CDK5RAP2: variants seen among roughly 807,000 people sequenced by gnomAD.
CDK5RAP2 encodes CDK5 regulatory subunit associated protein 2, also known as CDK5 regulatory subunit-associated protein 2.
In CDK5RAP2, 147 loss-of-function variants were observed where a neutral mutation model predicts 232.9. The ratio of observed to expected loss-of-function variants is 0.63; its 90% CI spans 0.55 to 0.72. The LOEUF (loss-of-function observed/expected upper bound fraction) is 0.72, where lower values mean the gene tolerates loss of function less well. Among genes scored for constraint, CDK5RAP2 ranks in the 30% least tolerant of loss-of-function variants. CDK5RAP2 has a pLI of 0.00. For missense variants in CDK5RAP2, 2,195 were observed against 2,231.5 expected, an observed-to-expected ratio of 0.98 and a Z score of 0.33; for synonymous variants, 833 against 833.7, an observed-to-expected ratio of 1.00 and a Z score of 0.01.
intron 3 of CDK5RAP2, among the ~76,000 whole-genome samples, chr9:120,563,912 A>G (rs574927586): frequency 2.0e-5 from 3 of 152,248 alleles, no homozygotes; most frequent in Admixed American, 6.5e-5. Flanking sequence ...CAACAGGAAT[A>G]AGGGCCTCAA....
chr9:120,482,460 G>C (rs1447114154), intron 14 of CDK5RAP2, among the ~76,000 whole-genome samples: 2 of 152,040 alleles, frequency 1.3e-5, no homozygotes, highest in Non-Finnish European at 2.9e-5. Flanking sequence ...CCCTCCATCA[G>C]AGTCCCAGGG....
In CDK5RAP2 at chr9:120,550,857, T is replaced by C. The variant is rs780538746; in HGVS notation, c.241A>G (p.Ile81Val). ...TGCATTCTTTCCTCAAGGAAATAGA[T>C]GCGGAGCTTTAGGTTAAAGTTTTCT... is the stretch of plus-strand genomic sequence containing the variant. ...KKENFNLKLR[I>V]YFLEERMQQE... The change falls in exon 4 of 38, where the codon ATC becomes GTC. Residue 81 changes from isoleucine (I) to valine (V), a missense_variant. Coordinates refer to ENST00000349780, the MANE Select transcript of CDK5RAP2 (RefSeq NM_018249.6). The C allele has an allele frequency of 4.3e-6, 7 of 1,613,496 alleles. No homozygotes were observed. The highest frequency in any genetic ancestry group is 5.1e-6 in the Non-Finnish European group (6 of 1,179,436).
rs2032287407 is a variant in CDK5RAP2, at chr9:120,394,511, C to T, written c.5578+1G>A. On this transcript the variant is annotated splice_donor_variant, in intron 36 of 37. Transcript: ENST00000349780. LOFTEE classifies it high-confidence loss of function. ...TAGCGGCCACCCCCACACTCACTCACATTGATCAAAGATGACTTTTTCCTG... is the reference window on the plus strand; with the variant it reads ...TAGCGGCCACCCCCACACTCACTCATATTGATCAAAGATGACTTTTTCCTG... The T allele has an allele frequency of 1.2e-6, 2 of 1,614,168 alleles. No individual in the cohort carries two copies. The highest frequency in any genetic ancestry group is 1.7e-6 in the Non-Finnish European group (2 of 1,180,038).
intron 11 of CDK5RAP2, among the ~76,000 whole-genome samples, chr9:120,519,486 G>A (rs1383290648): frequency 6.6e-6 from 1 of 151,386 alleles, no homozygotes; most frequent in African/African-American, 2.4e-5. Context: ...GGTATATGAA[G>A]ACAGATTACT....
In CDK5RAP2 at chr9:120,408,315, C is replaced by G. The variant is rs775025723; in HGVS notation, c.4726+32G>C. ...TCGGGTGGTCTTACAGCCCAAAGCA[C>G]AGTAGCCTCAAGGTGAGAAGGGCCT... is the stretch of plus-strand genomic sequence containing the variant. On this transcript the variant is annotated intron_variant, in intron 31 of 37. Transcript: ENST00000349780. The G allele has an allele frequency of 2.5e-6, 4 of 1,613,108 alleles. No homozygotes were observed. In the South Asian group the frequency reaches 3.3e-5, roughly 13 times the overall value.
intron 36 of CDK5RAP2, among the ~76,000 whole-genome samples, chr9:120,392,020 A>G (rs760689072): frequency 3.9e-5 from 6 of 152,198 alleles, no homozygotes; most frequent in Non-Finnish European, 8.8e-5. Flanking sequence ...GAGATGGACA[A>G]TACCAGCTCA....
intron 10 of CDK5RAP2, among the ~76,000 whole-genome samples, chr9:120,527,519 G>GATAT (rs112373921): frequency 2.6e-4 from 39 of 150,860 alleles, no homozygotes; most frequent in East Asian, 5.8e-4. Flanking sequence ...TTTGGGGGGG[G>GATAT]ATATATATAT....
At chr9:120,483,168 T>C (rs1162400049) in intron 14 of CDK5RAP2, among the ~76,000 whole-genome samples, 1 of 152,178 alleles carries the variant, frequency 6.6e-6, no homozygotes, top group African/African-American at 2.4e-5. Context: ...AGATCTGCTG[T>C]GTGTCTGGCT....
intron 29 of CDK5RAP2, 60 bp from the exon 30 acceptor site, chr9:120,409,376 A>G: frequency 1.7e-6 from 2 of 1,166,932 alleles, no homozygotes; most frequent in Non-Finnish European, 2.5e-6. Context: ...CAACCTTATT[A>G]TATAAATACA....
At chr9:120,509,285 A>T (rs2039970038) in intron 12 of CDK5RAP2, among the ~76,000 whole-genome samples, 1 of 152,214 alleles carries the variant, frequency 6.6e-6, no homozygotes, top group South Asian at 2.1e-4. Flanking sequence ...CGTCTGGTAG[A>T]TTCTAGCAGG....
chr9:120,407,128 T>C lies in CDK5RAP2; in HGVS notation c.4847A>G (p.Gln1616Arg), dbSNP rs1238619280. The C allele has an allele frequency of 6.2e-7, 1 of 1,613,990 alleles. No homozygotes were observed. The highest frequency in any genetic ancestry group is 1.7e-5 in the Admixed American group (1 of 60,010). Residue 1616 changes from glutamine to arginine, a missense_variant, in exon 32 of 38, where the codon CAG (glutamine) becomes CGG (arginine). Gln to Arg is a conservative substitution (Grantham distance 43, BLOSUM62 1). Coordinates refer to ENST00000349780, the MANE Select transcript of CDK5RAP2 (RefSeq NM_018249.6). ...TGCCAGCTGTTCCTTGAGCCTGCTCTGCAGAGTGCTGCTGGTTTCGATGCT... is the reference window on the plus strand; with the variant it reads ...TGCCAGCTGTTCCTTGAGCCTGCTCCGCAGAGTGCTGCTGGTTTCGATGCT... ...ERSIETSSTLQSRLKEQLARG... is the reference protein window; with the variant it reads ...ERSIETSSTLRSRLKEQLARG...
chr9:120,486,115 C>A (rs545138027), intron 14 of CDK5RAP2, among the ~76,000 whole-genome samples: 1 of 152,278 alleles, frequency 6.6e-6, no homozygotes. Flanking sequence ...CCACTCCAAC[C>A]ACCCTAGCTG....
At chr9:120,524,896 A>C in intron 11 of CDK5RAP2, 90 bp downstream of exon 11, 1 of 910,740 alleles carries the variant, frequency 1.1e-6, no homozygotes. Context: ...TTCCTTATTA[A>C]AATCACCCAA....
chr9:120,457,288 C>A (rs766188742), intron 20 of CDK5RAP2, among the ~76,000 whole-genome samples: 1 of 152,154 alleles, frequency 6.6e-6, no homozygotes, highest in Admixed American at 6.5e-5. Context: ...TCCCCCTGAC[C>A]GCCCAGTTCA....
Position 120,525,077 on chromosome 9 carries a change from A to C in CDK5RAP2, c.1001T>G (p.Val334Gly), listed in dbSNP as rs2040839623. The change falls in exon 11 of 38, where the codon GTT becomes GGT. Residue 334 changes from valine (V) to glycine (G), a missense_variant and splice_region_variant. Val to Gly is a moderately radical substitution (Grantham distance 109). Transcript: ENST00000349780. ...TTCAATTTCAGAGTTAAGTTCTTCA[A>C]CCTGGGGAAAAATAATGAATACCAG... ...TMALKSKEKK[V>G]EELNSEIEKL... is the part of the protein sequence containing the mutation. 6.2e-7 allele frequency: 1 copy of C among 1,613,196 alleles called. No homozygotes were observed. Among genetic ancestry groups the C allele is most frequent in the Middle Eastern group, 1.7e-4 (1 of 6,056 alleles).
At chr9:120,441,981 T>C (rs1197077594) in intron 23 of CDK5RAP2, among the ~76,000 whole-genome samples, 1 of 152,100 alleles carries the variant, frequency 6.6e-6, no homozygotes, top group African/African-American at 2.4e-5. Flanking sequence ...TCCATAAGGC[T>C]TTTTTTCCAG....
chr9:120,437,024 A>C (rs2035622508), intron 25 of CDK5RAP2, among the ~76,000 whole-genome samples: 1 of 152,196 alleles, frequency 6.6e-6, no homozygotes, highest in African/African-American at 2.4e-5. Context: ...AGTGAGAGGC[A>C]GTGCCTTCTG....
intron 12 of CDK5RAP2, among the ~76,000 whole-genome samples, chr9:120,504,355 A>G (rs1406384723): frequency 2.6e-5 from 4 of 152,224 alleles, no homozygotes; most frequent in African/African-American, 7.2e-5. Flanking sequence ...TTGGGTTCTT[A>G]TAACTCACCC....
Position 120,460,677 on chromosome 9 carries a change from G to A in CDK5RAP2, c.2107-10C>T, listed in dbSNP as rs539537887. 1.9e-6 allele frequency: 3 copies of A among 1,613,806 alleles called. No individual in the cohort carries two copies. In the African/African-American group the frequency reaches 4.0e-5, roughly 22 times the overall value. On this transcript the variant is annotated splice_polypyrimidine_tract_variant and intron_variant, in intron 18 of 37. Coordinates refer to ENST00000349780, the MANE Select transcript of CDK5RAP2 (RefSeq NM_018249.6). ...CCTTGCTAGCCAGAAGCTACATGGAGCATGGAATGGTGTGAAAATGCAACC... is the reference window on the plus strand; with the variant it reads ...CCTTGCTAGCCAGAAGCTACATGGAACATGGAATGGTGTGAAAATGCAACC...
Sources: gnomAD v4.1 joint callset for allele counts (sites outside exome capture counted in the v4.1 genomes callset) on GRCh38, gnomAD v4.1.1 for gene constraint, MANE v1.5 for transcripts, NCBI Gene and HGNC (gene_info 2026-07-23, HGNC 2026-07-21) for gene names.